Variants in MMP26 observed in about 807,000 individuals in gnomAD.
MMP26 encodes matrix metalloproteinase-26.
In MMP26, 33 loss-of-function variants were observed where a neutral mutation model predicts 31.0. That is an observed-to-expected ratio of 1.06 (90% CI 0.81 to 1.42). The LOEUF is 1.42. Among genes scored for constraint, MMP26 ranks in the 40% most tolerant of loss-of-function variants. The pLI is 0.00. For synonymous variants in MMP26, 122 were observed against 114.9 expected (o/e 1.06, Z -0.40); for missense variants, 347 against 316.1 (o/e 1.10, Z -0.74).
intron 2 of MMP26, chr11:4,945,823 T>C: frequency 3.3e-6 from 1 of 305,254 alleles, no homozygotes; most frequent in Non-Finnish European, 6.1e-6. Context: ...TTAAAAGAAC[T>C]TGGTATAAGA....
intron 2 of MMP26, chr11:4,908,012 T>C (rs1246679246): frequency 6.2e-7 from 1 of 1,614,204 alleles, no homozygotes; most frequent in South Asian, 1.1e-5. Context: ...ACTGATTGTT[T>C]TGTCTTATGT....
chr11:4,970,680 T>C (rs946761351), intron 2 of MMP26, among the ~76,000 whole-genome samples: 4 of 152,108 alleles, frequency 2.6e-5, no homozygotes, highest in African/African-American at 9.7e-5. Flanking sequence ...TTAAGTAAGG[T>C]TGTTTTTAGT....
intron 2 of MMP26, among the ~76,000 whole-genome samples, chr11:4,947,936 G>T (rs1846335783): frequency 8.0e-6 from 1 of 124,776 alleles, no homozygotes; most frequent in Admixed American, 8.9e-5. Context: ...TTACTCGTCT[G>T]CACAAGGCCA....
intron 2 of MMP26, among the ~76,000 whole-genome samples, chr11:4,827,292 G>A (rs1255639902): frequency 6.6e-6 from 1 of 152,166 alleles, no homozygotes; most frequent in African/African-American, 2.4e-5. Context: ...CATTTCTTCT[G>A]CTGTACTGAA....
At chr11:4,804,967 CAAAAA>C (rs372949891) in intron 2 of MMP26, among the ~76,000 whole-genome samples, 81 of 111,830 alleles carry the variant, frequency 7.2e-4, no homozygotes, top group African/African-American at 1.0e-3. Flanking sequence ...GAAACCGCCT[CAAAAA>C]AAAAAAAAAA....
chr11:4,709,998 A>G (rs2133264467), intron 1 of MMP26: 1 of 456,838 alleles, frequency 2.2e-6, no homozygotes, highest in African/African-American at 2.0e-5. Flanking sequence ...TTCACGGATT[A>G]TTAAAGTGGG....
intron 2 of MMP26, chr11:4,877,706 A>C (rs1850402943): frequency 6.6e-6 from 1 of 152,168 alleles, no homozygotes; most frequent in African/African-American, 2.4e-5. Context: ...ACTTAATTTT[A>C]ATTGATTTAA....
intron 1 of MMP26, chr11:4,709,894 T>G (rs995200265): frequency 2.0e-5 from 9 of 456,878 alleles, no homozygotes; most frequent in Admixed American, 1.6e-4. Context: ...ATCCATGGCT[T>G]CACATTCATG....
At chr11:4,723,161 C>G (rs1234312055) in intron 1 of MMP26, 3 of 1,598,632 alleles carry the variant, frequency 1.9e-6, no homozygotes, top group Non-Finnish European at 2.6e-6. Flanking sequence ...GGCCAGCTCC[C>G]CACGCTGCTC....
At chr11:4,936,650 G>T (rs999673341) in intron 2 of MMP26, among the ~76,000 whole-genome samples, 2 of 152,118 alleles carry the variant, frequency 1.3e-5, no homozygotes, top group Admixed American at 6.6e-5. Context: ...GATTCTAAGA[G>T]CTGGGCGTAA....
At chr11:4,811,787 C>T (rs1000576074) in intron 2 of MMP26, among the ~76,000 whole-genome samples, 7 of 152,114 alleles carry the variant, frequency 4.6e-5, no homozygotes, top group Non-Finnish European at 5.9e-5. Flanking sequence ...AGGCATGACC[C>T]GGGCTCTTGT....
At chr11:4,923,775 G>A (rs546668814) in intron 2 of MMP26, 9 of 1,613,964 alleles carry the variant, frequency 5.6e-6, no homozygotes, top group Admixed American at 3.3e-5. Context: ...GAGCAGGCCA[G>A]CTTCATGATC....
chr11:4,896,128 C>A (rs1850698073), intron 2 of MMP26, among the ~76,000 whole-genome samples: 1 of 152,144 alleles, frequency 6.6e-6, no homozygotes, highest in Admixed American at 6.5e-5. Context: ...CATTTATGTT[C>A]CTTCCAAATC....
At chr11:4,927,857 C>T (rs12791425) in intron 2 of MMP26, among the ~76,000 whole-genome samples, 20,246 of 152,076 alleles carry the variant, frequency 0.13, 1,479 homozygotes, top group South Asian at 0.18. Flanking sequence ...AACCCCAATA[C>T]TTGAGTAATG....
In MMP26 at chr11:4,866,385, T is replaced by C. The variant is rs149696972; in HGVS notation, c.-145+99044T>C. ...GAATCTAAGGTTTCTATTATATCCA[T>C]GATACCTTGTTTATAACAAAAACCT... On this transcript the variant is annotated intron_variant, in intron 2 of 7. Coordinates refer to ENST00000380390, the MANE Select transcript of MMP26 (RefSeq NM_021801.5). Among the ~76,000 whole-genome samples, 98 of 152,230 alleles carry C rather than the reference T, an allele frequency of 6.4e-4. 1 individual carries two copies. Among genetic ancestry groups the C allele is most frequent in the Middle Eastern group, 3.4e-3 (1 of 294 alleles).
At chr11:4,942,236 TA>T (rs1381160775) in intron 2 of MMP26, among the ~76,000 whole-genome samples, 1 of 151,930 alleles carries the variant, frequency 6.6e-6, no homozygotes, top group African/African-American at 2.4e-5. Context: ...AGTCTTACAT[TA>T]AAAAAAGTTT....
At chr11:4,924,629 G>A (rs1851242851) in intron 2 of MMP26, among the ~76,000 whole-genome samples, 1 of 152,152 alleles carries the variant, frequency 6.6e-6, no homozygotes, top group African/African-American at 2.4e-5. Flanking sequence ...CTAGAAAAGG[G>A]GAATTTGGGA....
chr11:4,762,886 G>C (rs1360635713), intron 1 of MMP26, among the ~76,000 whole-genome samples: 1 of 152,094 alleles, frequency 6.6e-6, no homozygotes, highest in Non-Finnish European at 1.5e-5. Flanking sequence ...AAAAGACCTA[G>C]CAATGGATAT....
intron 2 of MMP26, chr11:4,912,753 T>C (rs769655032): frequency 4.6e-5 from 7 of 152,188 alleles, no homozygotes; most frequent in Non-Finnish European, 8.8e-5. Flanking sequence ...TTTCTCTTAT[T>C]GTAATTTTCC....
Sources: allele counts gnomAD v4.1 joint callset (sites outside exome capture counted in the v4.1 genomes callset), GRCh38; gene constraint gnomAD v4.1.1; transcripts MANE v1.5; gene names NCBI Gene and HGNC (gene_info 2026-07-23, HGNC 2026-07-21).